HBS1L: variants seen among roughly 807,000 people sequenced by gnomAD.
HBS1L encodes the protein HBS1 like translational GTPase, also known as HBS1-like protein.
In HBS1L, 55 loss-of-function variants were observed where a neutral mutation model predicts 88.9. The observed-to-expected ratio is 0.62, with a 90% confidence interval of 0.50 to 0.77. HBS1L has a LOEUF of 0.77. Among genes scored for constraint, HBS1L ranks in the 30% least tolerant of loss-of-function variants. The pLI is 0.00. For synonymous variants in HBS1L, 267 were observed against 288.5 expected (o/e 0.93, Z 0.76); for missense variants, 741 against 829.3 (o/e 0.89, Z 1.31).
intron 16 of HBS1L, among the ~76,000 whole-genome samples, chr6:134,968,652 C>T (rs1774387824): frequency 1.3e-5 from 2 of 151,228 alleles, no homozygotes; most frequent in Non-Finnish European, 2.9e-5. Context: ...TCGTCCTAGC[C>T]AAAGGGGAAG....
chr6:135,037,466 C>A (rs749313471), intron 4 of HBS1L: 22 of 1,549,292 alleles, frequency 1.4e-5, no homozygotes, highest in Admixed American at 2.0e-5. Flanking sequence ...GTCATATTTT[C>A]CAACGAGCTA....
At chr6:134,987,984 A>T (rs1222267405) in intron 8 of HBS1L, among the ~76,000 whole-genome samples, 193 bp from the exon 9 acceptor site, 1 of 152,226 alleles carries the variant, frequency 6.6e-6, no homozygotes, top group Non-Finnish European at 1.5e-5. Context: ...ATAATGACAC[A>T]AAGAACAATA....
At chr6:135,031,262 T>C (rs868241223) in intron 4 of HBS1L, among the ~76,000 whole-genome samples, 10 of 152,046 alleles carry the variant, frequency 6.6e-5, no homozygotes, top group African/African-American at 1.7e-4. Context: ...TATAAAACAA[T>C]GTTATGTATT....
At chr6:135,024,885 T>TG (rs1203460546) in intron 4 of HBS1L, among the ~76,000 whole-genome samples, 1 of 152,228 alleles carries the variant, frequency 6.6e-6, no homozygotes, top group Middle Eastern at 3.4e-3. Context: ...TGCTCTGAAT[T>TG]GGGGGAAAAA....
At chr6:135,042,474 A>G (rs1473480509) in intron 2 of HBS1L, among the ~76,000 whole-genome samples, 3 of 152,114 alleles carry the variant, frequency 2.0e-5, no homozygotes, top group Non-Finnish European at 4.4e-5. Flanking sequence ...CAATACAAAT[A>G]TTTCAAACCA....
In HBS1L at chr6:134,964,254, TACTCTAAAGCTCCTTGCACCCAG is replaced by T; in HGVS notation, c.*1002_*1024del. ...TCCAGGTTCAGCTGAGGTCAAAATC[TACTCTAAAGCTCCTTGCACCCAG>T]AAGGCACCTCAACGAATACCTGTTG... On this transcript the variant is annotated 3_prime_UTR_variant, in exon 18 of 18. Coordinates refer to ENST00000367837, the MANE Select transcript of HBS1L (RefSeq NM_006620.4). 6.6e-6 allele frequency: 1 copy of T among 152,146 alleles called. No individual in the cohort carries two copies. The allele number at this position is 152,146 out of a possible 1,614,324, so 9.4% of individuals were successfully genotyped here.
intron 4 of HBS1L, among the ~76,000 whole-genome samples, chr6:135,025,600 C>T (rs879887238): frequency 6.6e-6 from 1 of 152,264 alleles, no homozygotes; most frequent in African/African-American, 2.4e-5. Flanking sequence ...AGTCACCACA[C>T]CCCTCCCATT....
At chr6:135,030,571 T>A in intron 4 of HBS1L, among the ~76,000 whole-genome samples, 1 of 152,162 alleles carries the variant, frequency 6.6e-6, no homozygotes, top group East Asian at 1.9e-4. Context: ...TTTAGAAAAC[T>A]TATTCTGGCC....
chr6:135,019,315 T>C (rs1776007676), intron 4 of HBS1L, among the ~76,000 whole-genome samples: 1 of 151,572 alleles, frequency 6.6e-6, no homozygotes, highest in Non-Finnish European at 1.5e-5. Context: ...ATCAGAAAAA[T>C]AGTGCACACT....
At chr6:135,042,242 T>C (rs1327055837) in intron 2 of HBS1L, 116 bp from the exon 3 acceptor site, 4 of 861,678 alleles carry the variant, frequency 4.6e-6, no homozygotes, top group African/African-American at 1.7e-5. Flanking sequence ...GTTACCCATA[T>C]TTCATAAGGG....
At chr6:134,970,553 G>A (rs1245538563) in intron 15 of HBS1L, among the ~76,000 whole-genome samples, 1 of 152,190 alleles carries the variant, frequency 6.6e-6, no homozygotes, top group Non-Finnish European at 1.5e-5. Context: ...CAAGCATTCA[G>A]TTAACTGATG....
chr6:135,009,010 C>T (rs1248304032), intron 4 of HBS1L, among the ~76,000 whole-genome samples: 4 of 152,174 alleles, frequency 2.6e-5, no homozygotes, highest in African/African-American at 9.7e-5. Context: ...TACTCACTCA[C>T]TCCTTGCATT....
intron 4 of HBS1L, among the ~76,000 whole-genome samples, chr6:135,024,001 G>A (rs1052582055): frequency 2.0e-4 from 30 of 151,756 alleles, no homozygotes; most frequent in African/African-American, 6.6e-4. Flanking sequence ...TTAATCCAGT[G>A]GTAGAAAAAG....
intron 4 of HBS1L, among the ~76,000 whole-genome samples, chr6:135,027,932 T>A (rs1171194418): frequency 1.3e-5 from 2 of 152,026 alleles, no homozygotes; most frequent in African/African-American, 4.8e-5. Context: ...ACTCGACTAA[T>A]TTTTTTGTAT....
chr6:134,984,308 T>C (rs1172745946), intron 12 of HBS1L, among the ~76,000 whole-genome samples: 2 of 152,186 alleles, frequency 1.3e-5, no homozygotes, highest in African/African-American at 2.4e-5. Flanking sequence ...TTTTTATTCA[T>C]GTGTTAAATG....
intron 13 of HBS1L, 65 bp downstream of exon 13, chr6:134,982,393 A>C (rs117963542): frequency 2.1e-6 from 2 of 972,804 alleles, no homozygotes; most frequent in Admixed American, 3.5e-5. Context: ...TAACTAAACC[A>C]CTTTTTAAAA....
In HBS1L at chr6:134,985,383, T is replaced by C. The variant is rs73774527; in HGVS notation, c.1450A>G (p.Ile484Val). 6.1e-3 allele frequency: 9,856 copies of C among 1,605,904 alleles called. 479 individuals are homozygous for C. In the African/African-American group the frequency reaches 0.11, roughly 18 times the overall value. The stretch of plus-strand genomic sequence containing the variant: ...ACACATAATCTAAAAGGTTTGTCAA[T>C]AGATCGCTGGGGAGGCTTAAAGGAA... ...IDSFKPPQRSIDKPFRLCVSD... is the reference protein window; with the variant it reads ...IDSFKPPQRSVDKPFRLCVSD... The change falls in exon 12 of 18, where the codon ATT becomes GTT. Residue 484 changes from isoleucine to valine, a missense_variant. Physicochemically the swap from Ile to Val is conservative, Grantham distance 29. Transcript: ENST00000367837.
At chr6:135,037,433 T>C (rs568974605) in intron 4 of HBS1L, 128 of 1,549,304 alleles carry the variant, frequency 8.3e-5, no homozygotes, top group African/African-American at 2.1e-4. Context: ...TCAGTTTCTT[T>C]ACTAGCATTT....
intron 4 of HBS1L, among the ~76,000 whole-genome samples, chr6:135,019,048 C>T (rs774356681): frequency 6.6e-6 from 1 of 151,938 alleles, no homozygotes; most frequent in African/African-American, 2.4e-5. Flanking sequence ...GTACCAACCA[C>T]GCACCAAGAA....
Sources: gnomAD v4.1 joint callset for allele counts (sites outside exome capture counted in the v4.1 genomes callset) on GRCh38, gnomAD v4.1.1 for gene constraint, MANE v1.5 for transcripts, NCBI Gene and HGNC (gene_info 2026-07-23, HGNC 2026-07-21) for gene names.